The following NAV2 variants were observed in gnomAD, a reference collection of about 807,000 sequenced individuals.
The protein encoded by NAV2 is neuron navigator 2, also known as helicase, APC down-regulated 1.
NAV2 carries 54 observed loss-of-function variants against 223.2 expected under a neutral mutation model. The observed-to-expected ratio is 0.24, with a 90% confidence interval of 0.19 to 0.30. The LOEUF is 0.30. Ranked by LOEUF, NAV2 falls within the 10% of genes least tolerant of loss-of-function variation. The probability of loss-of-function intolerance (pLI) is 1.00; values close to 1 mark genes in which losing one functional copy is unlikely to be tolerated. For synonymous variants in NAV2, 1,279 were observed against 1,239.3 expected (o/e 1.03, Z -0.67); for missense variants, 2,806 against 3,147.5 (o/e 0.89, Z 2.60).
intron 10 of NAV2, among the ~76,000 whole-genome samples, chr11:19,965,399 C>T (rs1289365218): frequency 6.6e-6 from 1 of 151,528 alleles, no homozygotes; most frequent in Non-Finnish European, 1.5e-5. Flanking sequence ...ATTTTTTTTT[C>T]CCACACCCAG....
At chr11:19,414,365 T>C (rs1012974591) in intron 1 of NAV2, among the ~76,000 whole-genome samples, 1 of 152,116 alleles carries the variant, frequency 6.6e-6, no homozygotes, top group African/African-American at 2.4e-5. Flanking sequence ...TACATAATGG[T>C]AAAGGGATCA....
At chr11:19,496,776 A>G (rs2042806758) in intron 1 of NAV2, among the ~76,000 whole-genome samples, 1 of 152,250 alleles carries the variant, frequency 6.6e-6, no homozygotes, top group Non-Finnish European at 1.5e-5. Context: ...TTAAAATGAC[A>G]TGAAATTAGC....
At chr11:19,746,991 A>C (rs532280694) in intron 1 of NAV2, among the ~76,000 whole-genome samples, 154 of 149,692 alleles carry the variant, frequency 1.0e-3, no homozygotes, top group Admixed American at 9.4e-3. Flanking sequence ...TGCTGCACCC[A>C]TTAACTCATC....
chr11:19,863,982 G>A (rs1418195263), intron 3 of NAV2, among the ~76,000 whole-genome samples: 1 of 152,192 alleles, frequency 6.6e-6, no homozygotes, highest in Non-Finnish European at 1.5e-5. Context: ...ACACTTCTGG[G>A]AGGAAGTTGA....
Position 20,078,073 on chromosome 11 carries a change from A to T in NAV2, c.5148A>T (p.Gly1716=). The part of the protein sequence containing the change: ...QNAAAQAAIN[G]VINTPELNCK... ...CAGCTGCCCAGGCTGCCATTAATGG[A>T]GTAATTAACACACCTGAGCTCAACT... The change falls in exon 24 of 38, where the codon GGA becomes GGT. Residue 1716 remains glycine (G), a synonymous_variant. Transcript: ENST00000349880. 1 of 1,613,432 alleles carries T rather than the reference A, an allele frequency of 6.2e-7. No individual in the cohort carries two copies. The highest frequency in any genetic ancestry group is 2.2e-5 in the East Asian group (1 of 44,836).
chr11:19,472,582 C>G (rs1429059349), intron 1 of NAV2, among the ~76,000 whole-genome samples: 1 of 152,096 alleles, frequency 6.6e-6, no homozygotes, highest in Non-Finnish European at 1.5e-5. Context: ...CACTTTGGGT[C>G]CTCATTTCCT....
chr11:19,913,730 T>A (rs1040755675), intron 6 of NAV2, among the ~76,000 whole-genome samples: 2 of 152,218 alleles, frequency 1.3e-5, no homozygotes, highest in African/African-American at 4.8e-5. Context: ...AATCACGCAC[T>A]CTGGGCCTTA....
At chr11:19,441,954 C>T (rs1196762979) in intron 1 of NAV2, among the ~76,000 whole-genome samples, 1 of 152,234 alleles carries the variant, frequency 6.6e-6, no homozygotes, top group Non-Finnish European at 1.5e-5. Flanking sequence ...TCACATTGCT[C>T]ATGCCATTTG....
chr11:20,004,731 A>T (rs1346397607), intron 11 of NAV2, among the ~76,000 whole-genome samples: 1 of 152,180 alleles, frequency 6.6e-6, no homozygotes, highest in Non-Finnish European at 1.5e-5. Flanking sequence ...CTCATCATGG[A>T]CTACACTGGC....
intron 34 of NAV2, chr11:20,105,306 T>C (rs2061947419): frequency 4.6e-6 from 2 of 435,810 alleles, no homozygotes; most frequent in South Asian, 9.1e-5. Context: ...TCAGCATTTC[T>C]GTCCGTAAAA....
At chr11:19,741,493 CT>C (rs1192404835) in intron 1 of NAV2, among the ~76,000 whole-genome samples, 1 of 70,140 alleles carries the variant, frequency 1.4e-5, no homozygotes, top group Non-Finnish European at 3.4e-5. Context: ...TTCTTTCTTT[CT>C]TTCTTTTTTT....
chr11:19,839,507 A>C (rs1186826369), intron 2 of NAV2, among the ~76,000 whole-genome samples: 1 of 152,210 alleles, frequency 6.6e-6, no homozygotes, highest in East Asian at 1.9e-4. Context: ...TCTGAACACA[A>C]CCAGGAAATT....
intron 1 of NAV2, among the ~76,000 whole-genome samples, chr11:19,390,742 G>A (rs1196507167): frequency 6.6e-6 from 1 of 152,128 alleles, no homozygotes; most frequent in African/African-American, 2.4e-5. Flanking sequence ...CTTGGGACAT[G>A]ACCTCTAAGC....
intron 1 of NAV2, among the ~76,000 whole-genome samples, chr11:19,763,483 G>A (rs775292870): frequency 2.6e-5 from 4 of 152,132 alleles, no homozygotes; most frequent in Non-Finnish European, 4.4e-5. Flanking sequence ...CCAAGGGTGA[G>A]ACTTAAATAA....
At chr11:19,894,710 GAAGA>G (rs2041807365) in intron 6 of NAV2, among the ~76,000 whole-genome samples, 1 of 152,146 alleles carries the variant, frequency 6.6e-6, no homozygotes, top group South Asian at 2.1e-4. Context: ...TTTAGTGTCA[GAAGA>G]AAGAAAGGGA....
At chr11:19,980,680 G>A (rs933975015) in intron 10 of NAV2, among the ~76,000 whole-genome samples, 1 of 152,138 alleles carries the variant, frequency 6.6e-6, no homozygotes, top group Non-Finnish European at 1.5e-5. Flanking sequence ...ACTTTGTTAA[G>A]GCAGTCTATA....
At chr11:19,910,617 G>A (rs2153220161) in intron 6 of NAV2, among the ~76,000 whole-genome samples, 1 of 152,340 alleles carries the variant, frequency 6.6e-6, no homozygotes, top group East Asian at 1.9e-4. Context: ...CTAGCACTTT[G>A]GGAGGCCGAG....
intron 11 of NAV2, chr11:20,022,834 T>G (rs1434391938): frequency 1.6e-6 from 2 of 1,272,902 alleles, no homozygotes; most frequent in Non-Finnish European, 2.0e-6. Flanking sequence ...TTTGCTTTGC[T>G]GAAACTTTTC....
At chr11:19,346,464 G>A (rs1806888224), upstream of NAV2, among the ~76,000 whole-genome samples, 1 of 152,218 alleles carries the variant, frequency 6.6e-6, no homozygotes, top group Non-Finnish European at 1.5e-5. Context: ...CGGGGAGGGG[G>A]CGCCCGAGCA....
Sources: gnomAD v4.1 joint callset for allele counts (sites outside exome capture counted in the v4.1 genomes callset) on GRCh38, gnomAD v4.1.1 for gene constraint, MANE v1.5 for transcripts, NCBI Gene and HGNC (gene_info 2026-07-23, HGNC 2026-07-21) for gene names.